Variants in PRKN observed in about 807,000 individuals in gnomAD.
PRKN encodes the protein E3 ubiquitin-protein ligase parkin.
PRKN carries 56 observed loss-of-function variants against 59.5 expected under a neutral mutation model. The observed-to-expected ratio is 0.94, with a 90% CI of 0.76 to 1.18. PRKN has a LOEUF of 1.18. PRKN is among the 50% of genes most tolerant of loss of function. The pLI is 0.00. For synonymous variants in PRKN, 250 were observed against 222.1 expected (o/e 1.13, Z -1.12); for missense variants, 657 against 596.4 (o/e 1.10, Z -1.06).
At chr6:161,598,453 T>C (rs11961613) in intron 7 of PRKN, among the ~76,000 whole-genome samples, 4,249 of 152,326 alleles carry the variant, frequency 0.028, 154 homozygotes, top group African/African-American at 0.085. Context: ...CTACTTAACA[T>C]ACGGGCTTGG....
At chr6:162,402,691 T>A (rs936069198) in intron 2 of PRKN, among the ~76,000 whole-genome samples, 4 of 151,518 alleles carry the variant, frequency 2.6e-5, no homozygotes, top group African/African-American at 9.7e-5. Context: ...GGTCTTTCTC[T>A]GTTGCACAAG....
rs1300128361 is a variant in PRKN, at chr6:161,466,178, C to T, written c.1084-79301G>A. On this transcript the variant is annotated intron_variant, in intron 9 of 11. Transcript: ENST00000366898. The surrounding 1 kb of genome is among the most constrained non-coding windows in gnomAD (Gnocchi z 5.0). ...TAGTCACCATGCTGTACATTAGATC[C>T]CCCTGTGTTTCTATTTGAACAGTTT... Among the ~76,000 whole-genome samples, 1 of 152,038 alleles carries T rather than the reference C, an allele frequency of 6.6e-6. No individual in the cohort carries two copies.
At chr6:162,710,055 A>C (rs1778472956) in intron 1 of PRKN, among the ~76,000 whole-genome samples, 1 of 152,154 alleles carries the variant, frequency 6.6e-6, no homozygotes, top group Non-Finnish European at 1.5e-5. Flanking sequence ...GCAGCAAGAA[A>C]GACAATGTGG....
rs398003250 is a variant in PRKN, at chr6:162,647,949, C to CAAAAAAAAAAAAAAAAAAAAA, written c.7+79692_7+79712dup. On this transcript the variant is annotated intron_variant, in intron 1 of 11. Coordinates refer to ENST00000366898, the MANE Select transcript of PRKN (RefSeq NM_004562.3). ...GAACCATCTCTATATGTCCACAGTG[C>CAAAAAAAAAAAAAAAAAAAAA]AAAAAAAAAAAAAAAAAAAAAAAAA... Among the ~76,000 whole-genome samples the CAAAAAAAAAAAAAAAAAAAAA allele has an allele frequency of 1.1e-4, 8 of 75,650 alleles. 3 individuals are homozygous for CAAAAAAAAAAAAAAAAAAAAA. The highest frequency in any genetic ancestry group is 3.4e-4 in the Admixed American group (2 of 5,826). The allele number at this position is 75,650 out of a possible 152,430, so 49.6% of individuals were successfully genotyped here.
chr6:162,009,030 G>A (rs945426506), intron 5 of PRKN, among the ~76,000 whole-genome samples: 1 of 151,642 alleles, frequency 6.6e-6, no homozygotes, highest in African/African-American at 2.4e-5. Flanking sequence ...TGAGGCGGGC[G>A]GATCACGAGG....
chr6:161,596,172 C>T lies in PRKN; in HGVS notation c.872-26756G>A, dbSNP rs742770. On this transcript the variant is annotated intron_variant, in intron 7 of 11. Transcript: ENST00000366898. ...TTTGTGTTTCGACACATTCTTGGCA[C>T]GTTCCCCTTGAGCATGAGGCAGAAC... 3.5e-3 allele frequency among the ~76,000 whole-genome samples: 536 copies of T among 152,242 alleles called. 1 individual carries two copies. Among genetic ancestry groups the T allele is most frequent in the African/African-American group, 0.012 (507 of 41,548 alleles).
intron 7 of PRKN, among the ~76,000 whole-genome samples, chr6:161,640,212 C>T (rs1783688192): frequency 6.6e-6 from 1 of 152,204 alleles, no homozygotes; most frequent in Admixed American, 6.5e-5. Flanking sequence ...TTCTCTTCCA[C>T]CCCCAGTTTT....
rs1787708375 is a variant in PRKN at position 161,413,870 on chromosome 6, C to T, written c.1084-26993G>A. ...GGAGCATTTACAGCATGAAGTCAGG[C>T]AGGGTGAGCCTCACCCAGCTGCTGT... On this transcript the variant is annotated intron_variant, in intron 9 of 11. Transcript: ENST00000366898. This position sits in a 1 kb window ranked among gnomAD's most constrained non-coding sequence, Gnocchi z 4.4. 1.3e-5 allele frequency among the ~76,000 whole-genome samples: 2 copies of T among 152,278 alleles called. No individual in the cohort carries two copies. Among genetic ancestry groups the T allele is most frequent in the East Asian group, 3.9e-4 (2 of 5,180 alleles).
chr6:161,743,398 A>ATTTAT (rs1258592361), intron 7 of PRKN, among the ~76,000 whole-genome samples: 43 of 147,224 alleles, frequency 2.9e-4, no homozygotes, highest in Admixed American at 4.7e-4. Context: ...TTATTTATTT[A>ATTTAT]TTTATTTATT....
intron 1 of PRKN, among the ~76,000 whole-genome samples, chr6:162,616,757 C>T (rs1029049335): frequency 3.9e-5 from 6 of 152,122 alleles, no homozygotes; most frequent in African/African-American, 9.7e-5. Context: ...TACATCTTGA[C>T]ATATACATTA....
intron 4 of PRKN, among the ~76,000 whole-genome samples, chr6:162,101,733 T>C (rs1401546867): frequency 2.6e-5 from 4 of 152,138 alleles, no homozygotes; most frequent in Non-Finnish European, 5.9e-5. Flanking sequence ...AGAGATACTA[T>C]AACTCTCTAT....
rs542787909 is a variant in PRKN at position 161,805,792 on chromosome 6, G to T, written c.735-19884C>A. Reference sequence around the variant, plus strand: ...TGATGGAGAGCCGGGGTGGTTGGGGGTGGAGGGGAGTGGTGATGGTATCCA... The same window carrying T: ...TGATGGAGAGCCGGGGTGGTTGGGGTTGGAGGGGAGTGGTGATGGTATCCA... On this transcript the variant is annotated intron_variant, in intron 6 of 11. Transcript: ENST00000366898. 5.9e-5 allele frequency among the ~76,000 whole-genome samples: 9 copies of T among 152,298 alleles called. No individual in the cohort carries two copies. The South Asian group carries it at 1.9e-3, about 32-fold the overall frequency.
chr6:161,698,172 C>A (rs1006060316), intron 7 of PRKN, among the ~76,000 whole-genome samples: 2 of 151,996 alleles, frequency 1.3e-5, no homozygotes, highest in Non-Finnish European at 2.9e-5. Context: ...ACTTAAAGAT[C>A]TATATATTTA....
intron 5 of PRKN, among the ~76,000 whole-genome samples, chr6:162,002,621 G>A (rs9458427): frequency 3.3e-5 from 5 of 151,256 alleles, no homozygotes; most frequent in Non-Finnish European, 7.4e-5. Context: ...TATTGATTTC[G>A]TATTTTCAAT....
intron 1 of PRKN, chr6:162,568,275 T>C (rs760686435): frequency 2.7e-5 from 6 of 220,834 alleles, no homozygotes; most frequent in African/African-American, 1.1e-4. Context: ...AAGGGGATCA[T>C]ATCAAGTCAA....
At chr6:161,426,203 C>T (rs1055345113) in intron 9 of PRKN, among the ~76,000 whole-genome samples, 7 of 152,106 alleles carry the variant, frequency 4.6e-5, no homozygotes, top group Non-Finnish European at 8.8e-5. Context: ...CCCCTGAATA[C>T]CCAAAGGGGC....
chr6:161,951,120 G>A (rs1784600), intron 6 of PRKN, among the ~76,000 whole-genome samples: 83,953 of 150,338 alleles, frequency 0.56, 23,713 homozygotes, highest in Middle Eastern at 0.63. Flanking sequence ...CATGAGTAGG[G>A]TTTTTACGTT....
chr6:161,692,310 G>C (rs1481485171), intron 7 of PRKN, among the ~76,000 whole-genome samples: 1 of 152,138 alleles, frequency 6.6e-6, no homozygotes, highest in Non-Finnish European at 1.5e-5. Flanking sequence ...TTCTTACTAA[G>C]TTTTTAAAGA....
At position 161,386,850 on chromosome 6, in the gene PRKN, C is replaced by T; in HGVS notation, c.1111G>A (p.Ala371Thr). 1 of 1,614,144 alleles carries T rather than the reference C, an allele frequency of 6.2e-7. No individual in the cohort carries two copies. Among genetic ancestry groups the T allele is most frequent in the South Asian group, 1.1e-5 (1 of 91,084 alleles). Residue 371 changes from alanine (A) to threonine (T), a missense_variant, in exon 10 of 12, where the codon GCG becomes ACG. Ala to Thr is a moderately conservative substitution (Grantham distance 58). Coordinates refer to ENST00000366898, the MANE Select transcript of PRKN (RefSeq NM_004562.3). This position sits in a 1 kb window ranked among gnomAD's most constrained non-coding sequence, Gnocchi z 4.3. ...GFAFCRECKE[A>T]YHEGECSAVF... ...GCACTGCACTCCCCTTCATGGTACG[C>T]TTCTTTACATTCCCGGCAGAAGGCA...
Sources: allele counts gnomAD v4.1 joint callset (sites outside exome capture counted in the v4.1 genomes callset), GRCh38; gene constraint gnomAD v4.1.1; non-coding constraint Gnocchi (gnomAD v3.1); transcripts MANE v1.5; gene names NCBI Gene and HGNC (gene_info 2026-07-23, HGNC 2026-07-21).